SATB2: variants seen among roughly 807,000 people sequenced by gnomAD.
The protein encoded by SATB2 is SATB homeobox 2, also known as DNA-binding protein SATB2.
Under a neutral mutation model 73.4 loss-of-function variants are expected in SATB2, and 1 was observed. The ratio of observed to expected loss-of-function variants is 0.01; its 90% CI spans 0.00 to 0.06. SATB2 has a LOEUF of 0.06. Among genes scored for constraint, SATB2 ranks in the 10% least tolerant of loss-of-function variants. SATB2 has a pLI of 1.00. For synonymous variants in SATB2, 397 were observed against 367.0 expected (o/e 1.08, Z -0.93); for missense variants, 459 against 945.8 (o/e 0.49, Z 6.75).
intron 7 of SATB2, among the ~76,000 whole-genome samples, chr2:199,337,323 C>G (rs1417573906): frequency 6.6e-6 from 1 of 152,162 alleles, no homozygotes; most frequent in African/African-American, 2.4e-5. Context: ...AAACAACTTT[C>G]TTTCTCTAAG....
chr2:199,405,721 C>T (rs1006338635), intron 3 of SATB2, among the ~76,000 whole-genome samples: 6 of 151,386 alleles, frequency 4.0e-5, no homozygotes, highest in South Asian at 2.1e-4. Flanking sequence ...TATTTCAGTA[C>T]AATTATTCAT....
chr2:199,280,232 T>C (rs889956322), intron 10 of SATB2, among the ~76,000 whole-genome samples: 1 of 152,334 alleles, frequency 6.6e-6, no homozygotes, highest in Middle Eastern at 3.4e-3. Context: ...CCCCGATCAA[T>C]ACCCTTGTGA....
At chr2:199,453,598 C>A (rs1407609904) in intron 2 of SATB2, among the ~76,000 whole-genome samples, 1 of 151,892 alleles carries the variant, frequency 6.6e-6, no homozygotes, top group Non-Finnish European at 1.5e-5. Flanking sequence ...TTAGAATGTG[C>A]ATTTTTCAAA....
At chr2:199,400,978 T>C (rs1386746236) in intron 3 of SATB2, among the ~76,000 whole-genome samples, 1 of 152,178 alleles carries the variant, frequency 6.6e-6, no homozygotes, top group African/African-American at 2.4e-5. Flanking sequence ...GGTCCAGGGA[T>C]GTAGGCCTGA....
intron 5 of SATB2, among the ~76,000 whole-genome samples, chr2:199,375,191 A>T (rs1689563756): frequency 6.6e-6 from 1 of 152,114 alleles, no homozygotes; most frequent in African/African-American, 2.4e-5. Flanking sequence ...AGAAAGATGC[A>T]ATCATAAGGT....
At chr2:199,364,013 G>A (rs1488091091) in intron 6 of SATB2, among the ~76,000 whole-genome samples, 1 of 152,170 alleles carries the variant, frequency 6.6e-6, no homozygotes, top group Non-Finnish European at 1.5e-5. Flanking sequence ...AGCAGAGGCA[G>A]AAGGACCAGG....
At chr2:199,432,122 C>T (rs976767017) in intron 3 of SATB2, among the ~76,000 whole-genome samples, 1 of 152,206 alleles carries the variant, frequency 6.6e-6, no homozygotes, top group East Asian at 1.9e-4. Context: ...TATATCACTG[C>T]GCCCAGCCTG....
At chr2:199,331,426 C>T (rs1434683128) in intron 7 of SATB2, among the ~76,000 whole-genome samples, 1 of 151,956 alleles carries the variant, frequency 6.6e-6, no homozygotes, top group African/African-American at 2.4e-5. Flanking sequence ...GTTTCATTTG[C>T]CTAATTGAAG....
intron 3 of SATB2, among the ~76,000 whole-genome samples, chr2:199,429,374 A>G (rs1187115674): frequency 6.6e-6 from 1 of 152,196 alleles, no homozygotes; most frequent in East Asian, 1.9e-4. Flanking sequence ...CCATGCATAT[A>G]TGTGGAATTT....
intron 3 of SATB2, among the ~76,000 whole-genome samples, chr2:199,411,234 A>G (rs1479991336): frequency 1.3e-5 from 2 of 151,506 alleles, no homozygotes; most frequent in Admixed American, 1.3e-4. Flanking sequence ...AAAAAAAAAA[A>G]TTCACCTCTT....
At chr2:199,458,531 C>T (rs1204431315), upstream of SATB2, 1 of 373,986 alleles carries the variant, frequency 2.7e-6, no homozygotes, top group South Asian at 1.9e-5. Context: ...GGGTCTGGTC[C>T]TCCTCCTTGT....
At chr2:199,377,546 A>G (rs1408081924) in intron 5 of SATB2, among the ~76,000 whole-genome samples, 2 of 152,218 alleles carry the variant, frequency 1.3e-5, no homozygotes, top group Non-Finnish European at 2.9e-5. Flanking sequence ...AATGGTAAAC[A>G]TTTCAAAATA....
chr2:199,403,589 G>C (rs1409275667), intron 3 of SATB2, among the ~76,000 whole-genome samples: 1 of 151,852 alleles, frequency 6.6e-6, no homozygotes, highest in Non-Finnish European at 1.5e-5. Flanking sequence ...CTTTTAAATC[G>C]CTGCTCTTTC....
upstream of SATB2, among the ~76,000 whole-genome samples, chr2:199,461,619 C>T (rs1162997472): frequency 6.6e-6 from 1 of 152,168 alleles, no homozygotes; most frequent in African/African-American, 2.4e-5. Context: ...ATTTTTATCC[C>T]TCAGTTTCCT....
In SATB2 at chr2:199,271,205, A is replaced by C. The variant is rs1282198182; in HGVS notation, c.*1006T>G. The C allele has an allele frequency of 5.9e-5, 9 of 152,786 alleles. No homozygotes were observed. The highest frequency in any genetic ancestry group is 1.3e-4 in the Non-Finnish European group (9 of 68,028). The allele number at this position is 152,786 out of a possible 1,614,324, so 9.5% of individuals were successfully genotyped here. On this transcript the variant is annotated 3_prime_UTR_variant, in exon 11 of 11. Coordinates refer to ENST00000417098, the MANE Select transcript of SATB2 (RefSeq NM_001172509.2). ...GCAGGTAAATAAATTTCACAACAAAATGTGGCTCATACTATGAATTCCATA... is the reference window on the plus strand; with the variant it reads ...GCAGGTAAATAAATTTCACAACAAACTGTGGCTCATACTATGAATTCCATA...
intron 7 of SATB2, among the ~76,000 whole-genome samples, chr2:199,343,729 TACTC>T (rs1688571965): frequency 6.6e-6 from 1 of 152,212 alleles, no homozygotes. Context: ...TAAAAGGAAA[TACTC>T]ATACATTCCT....
upstream of SATB2, chr2:199,468,154 C>T (rs1307877492): frequency 2.0e-5 from 3 of 151,506 alleles, no homozygotes; most frequent in African/African-American, 7.3e-5. Flanking sequence ...GCTCTGAAAG[C>T]TGTTGAGAGC....
intron 5 of SATB2, among the ~76,000 whole-genome samples, chr2:199,374,317 G>A (rs941906272): frequency 6.6e-6 from 1 of 152,176 alleles, no homozygotes; most frequent in Non-Finnish European, 1.5e-5. Flanking sequence ...CAAAATAAAT[G>A]TTCTATGATT....
chr2:199,360,378 C>G (rs551979233), intron 6 of SATB2, among the ~76,000 whole-genome samples: 54 of 152,224 alleles, frequency 3.5e-4, no homozygotes, highest in Middle Eastern at 3.4e-3. Context: ...AAGCACACTC[C>G]CTCCTTGTTC....
Sources: allele counts gnomAD v4.1 joint callset (sites outside exome capture counted in the v4.1 genomes callset), GRCh38; gene constraint gnomAD v4.1.1; transcripts MANE v1.5; gene names NCBI Gene and HGNC (gene_info 2026-07-23, HGNC 2026-07-21).